MAF: variants seen among roughly 807,000 people sequenced by gnomAD.
The protein encoded by MAF is MAF bZIP transcription factor, also known as transcription factor Maf.
Under a neutral mutation model 22.0 loss-of-function variants are expected in MAF, and 10 were observed. The ratio of observed to expected loss-of-function variants is 0.45; its 90% CI spans 0.28 to 0.77. MAF has a LOEUF of 0.77. Ranked by LOEUF, MAF falls within the 30% of genes least tolerant of loss-of-function variation. The pLI is 0.12. For synonymous variants in MAF, 337 were observed against 255.8 expected (o/e 1.32, Z -3.03); for missense variants, 544 against 548.4 (o/e 0.99, Z 0.08).
At chr16:79,511,094 G>A in the MAF span, among the ~76,000 whole-genome samples, 20 of 45,108 alleles carry the variant, frequency 4.4e-4, no homozygotes, top group South Asian at 4.3e-3. Flanking sequence ...GAATCTCCCC[G>A]CGCACAATGG....
intron 1 of MAF, chr16:79,597,524 T>C: frequency 9.8e-7 from 1 of 1,023,782 alleles, no homozygotes. Context: ...TTTGCCAGGT[T>C]AAATGTGTAA....
the MAF span, among the ~76,000 whole-genome samples, chr16:79,353,568 C>T: frequency 2.0e-5 from 3 of 152,082 alleles, no homozygotes; most frequent in South Asian, 6.2e-4. Context: ...TAGGGAGGAG[C>T]GTCATCTGCA....
At chr16:79,209,488 G>A in the MAF span, among the ~76,000 whole-genome samples, 2 of 152,212 alleles carry the variant, frequency 1.3e-5, no homozygotes, top group Non-Finnish European at 2.9e-5. Context: ...TTTGAATGCT[G>A]AATAGTATAA....
At chr16:79,590,916 A>G (rs907651627), downstream of MAF, among the ~76,000 whole-genome samples, 25 of 152,244 alleles carry the variant, frequency 1.6e-4, no homozygotes, top group African/African-American at 5.5e-4. Flanking sequence ...AACAAAAGTC[A>G]GAAACGCACT....
the MAF span, among the ~76,000 whole-genome samples, chr16:79,243,281 A>C: frequency 1.1e-4 from 16 of 151,356 alleles, no homozygotes; most frequent in South Asian, 4.2e-4. Context: ...TTTCTTTTTT[A>C]TTTTTTTATT....
the MAF span, among the ~76,000 whole-genome samples, chr16:79,241,222 G>A: frequency 6.6e-6 from 1 of 152,046 alleles, no homozygotes; most frequent in Admixed American, 6.6e-5. Context: ...GACTTCCCAA[G>A]GTGGGTAATA....
the MAF span, among the ~76,000 whole-genome samples, chr16:79,353,455 T>C: frequency 1.3e-5 from 2 of 152,150 alleles, no homozygotes; most frequent in East Asian, 1.9e-4. Flanking sequence ...TTCAAAGTTA[T>C]TTTGAAGTTA....
At chr16:79,238,973 A>G in the MAF span, among the ~76,000 whole-genome samples, 1 of 151,962 alleles carries the variant, frequency 6.6e-6, no homozygotes, top group African/African-American at 2.4e-5. Flanking sequence ...ACGCAGTCTC[A>G]TCCTGTCACA....
the MAF span, among the ~76,000 whole-genome samples, chr16:79,436,850 G>A: frequency 6.6e-6 from 1 of 152,200 alleles, no homozygotes; most frequent in East Asian, 1.9e-4. Context: ...CATCTGGAGA[G>A]TCTGCACACA....
Position 79,600,217 on chromosome 16 carries a change from C to T in MAF, c.-315G>A, listed in dbSNP as rs1388335743. The T allele has an allele frequency of 3.4e-6, 1 of 295,324 alleles. No individual in the cohort carries two copies. The highest frequency in any genetic ancestry group is 5.5e-5 in the Admixed American group (1 of 18,290). 18.3% of individuals were successfully genotyped at this position (295,324 alleles called of 1,614,324 possible). The stretch of plus-strand genomic sequence containing the variant: ...CGGCTTCAGGCTCGGGAAGATCCTC[C>T]GCGAGCTGCGGTGGCGGCGGTGGTG... On this transcript the variant is annotated 5_prime_UTR_variant, in exon 1 of 2. Transcript: ENST00000326043.
the MAF span, among the ~76,000 whole-genome samples, chr16:79,237,328 G>C: frequency 6.6e-6 from 1 of 152,056 alleles, no homozygotes; most frequent in Admixed American, 6.6e-5. Flanking sequence ...CTTTGTCATT[G>C]GTCACATTAA....
chr16:79,237,744 G>C, the MAF span, among the ~76,000 whole-genome samples: 1 of 152,150 alleles, frequency 6.6e-6, no homozygotes, highest in Non-Finnish European at 1.5e-5. Context: ...TGTATTTGCA[G>C]GGTGCTTACT....
At chr16:79,357,028 A>C in the MAF span, among the ~76,000 whole-genome samples, 36 of 152,342 alleles carry the variant, frequency 2.4e-4, no homozygotes, top group Non-Finnish European at 4.6e-4. Context: ...AGGCCAAGGC[A>C]GCTGGATCAT....
the MAF span, among the ~76,000 whole-genome samples, chr16:79,298,441 T>C: frequency 6.6e-6 from 1 of 152,224 alleles, no homozygotes; most frequent in African/African-American, 2.4e-5. Flanking sequence ...GCAAGCTCCC[T>C]TGGCCAATCT....
At chr16:79,447,559 C>G in the MAF span, among the ~76,000 whole-genome samples, 1 of 151,848 alleles carries the variant, frequency 6.6e-6, no homozygotes, top group Non-Finnish European at 1.5e-5. Context: ...AAGTAGTGAC[C>G]CCTCTGGTGG....
At chr16:79,289,200 G>T in the MAF span, among the ~76,000 whole-genome samples, 26,690 of 152,122 alleles carry the variant, frequency 0.18, 2,853 homozygotes, top group East Asian at 0.54. Flanking sequence ...GCAGGGAGTG[G>T]CACGGTGTGA....
At chr16:79,289,287 G>C in the MAF span, among the ~76,000 whole-genome samples, 1 of 152,166 alleles carries the variant, frequency 6.6e-6, no homozygotes, top group Non-Finnish European at 1.5e-5. Context: ...GGGCAGGCAA[G>C]AGCAGTGTTT....
At chr16:79,325,465 C>T in the MAF span, among the ~76,000 whole-genome samples, 1 of 152,088 alleles carries the variant, frequency 6.6e-6, no homozygotes, top group Non-Finnish European at 1.5e-5. Flanking sequence ...AGAGAGGAAG[C>T]AACTGGCTCA....
chr16:79,309,215 G>C, the MAF span, among the ~76,000 whole-genome samples: 1 of 152,110 alleles, frequency 6.6e-6, no homozygotes, highest in Non-Finnish European at 1.5e-5. Flanking sequence ...TAATGGTAGG[G>C]AGTTTCCCTG....
Sources: allele counts gnomAD v4.1 joint callset (sites outside exome capture counted in the v4.1 genomes callset), GRCh38; gene constraint gnomAD v4.1.1; transcripts MANE v1.5; gene names NCBI Gene and HGNC (gene_info 2026-07-23, HGNC 2026-07-21).